Variants in KLHL13 observed in about 807,000 individuals in gnomAD.
KLHL13 encodes kelch-like protein 13.
Under a neutral mutation model 37.1 loss-of-function variants are expected in KLHL13, and 10 were observed. The ratio of observed to expected loss-of-function variants is 0.27; its 90% CI spans 0.17 to 0.46. The LOEUF (loss-of-function observed/expected upper bound fraction) is 0.46, where lower values mean the gene tolerates loss of function less well. Ranked by LOEUF, KLHL13 falls within the 20% of genes least tolerant of loss-of-function variation. The probability of loss-of-function intolerance (pLI) is 1.00; values close to 1 mark genes in which losing one functional copy is unlikely to be tolerated. For synonymous variants in KLHL13, 163 were observed against 181.2 expected (o/e 0.90, Z 0.81); for missense variants, 360 against 509.3 (o/e 0.71, Z 2.82).
rs1164328704 is a variant in KLHL13, at chrX:117,899,319, C to T, written c.1557G>A (p.Ala519=). 26 of 1,209,150 alleles carry T rather than the reference C, an allele frequency of 2.2e-5. No individual in the cohort carries two copies. The highest frequency in any genetic ancestry group is 3.5e-5 in the African/African-American group (2 of 57,145). Residue 519 remains alanine, a synonymous_variant, in exon 7 of 7, where the codon GCG becomes GCA. Coordinates refer to ENST00000262820, the Ensembl canonical transcript of KLHL13. ...GCAGACCTCTGACAGTGGTCATTGGCGCCTTCTGGATCCATTTGTCAGTAT... is the reference window on the plus strand; with the variant it reads ...GCAGACCTCTGACAGTGGTCATTGGTGCCTTCTGGATCCATTTGTCAGTAT...
rs1197736282 is a variant in KLHL13, at chrX:118,064,904, C to T, written c.-56+51604G>A. On this transcript the variant is annotated intron_variant, in intron 1 of 6. Transcript: ENST00000371882. ...TGTTAACTGACTGACTAGGCAGAAACACAATAAATGTTGGGTCTCATATCT... is the reference window on the plus strand; with the variant it reads ...TGTTAACTGACTGACTAGGCAGAAATACAATAAATGTTGGGTCTCATATCT... Among the ~76,000 whole-genome samples the T allele has an allele frequency of 4.5e-5, 5 of 111,600 alleles. 1 individual carries two copies. The highest frequency in any genetic ancestry group is 6.5e-5 in the African/African-American group (2 of 30,723).
chrX:117,964,367 A>G, intron 1 of KLHL13, among the ~76,000 whole-genome samples: 1 of 112,111 alleles, frequency 8.9e-6, no homozygotes, highest in East Asian at 2.8e-4. Context: ...GAATTTATTT[A>G]ACCTGTTTGT....
At chrX:117,965,833 G>A (rs752934803) in intron 1 of KLHL13, among the ~76,000 whole-genome samples, 2 of 111,516 alleles carry the variant, frequency 1.8e-5, no homozygotes, top group East Asian at 5.6e-4. Context: ...ATGCAGAAAA[G>A]GCCTTTGACA....
chrX:118,029,607 CTT>C (rs1476498485), intron 1 of KLHL13, among the ~76,000 whole-genome samples: 1 of 112,108 alleles, frequency 8.9e-6, no homozygotes, highest in Non-Finnish European at 1.9e-5. Context: ...TTAAATATCT[CTT>C]GTTAATAAAA....
intron 1 of KLHL13, among the ~76,000 whole-genome samples, chrX:117,999,503 T>C (rs944451215): frequency 9.3e-6 from 1 of 107,963 alleles, no homozygotes; most frequent in East Asian, 2.9e-4. Flanking sequence ...TGAGAACACA[T>C]GGACACAGGA....
chrX:117,994,018 G>A (rs1318903090), intron 1 of KLHL13, among the ~76,000 whole-genome samples: 1 of 111,168 alleles, frequency 9.0e-6, no homozygotes, highest in Non-Finnish European at 1.9e-5. Context: ...TTACAGGCGT[G>A]AGCCACCACG....
intron 1 of KLHL13, among the ~76,000 whole-genome samples, chrX:118,082,478 T>C (rs916092442): frequency 7.2e-5 from 8 of 111,712 alleles, no homozygotes; most frequent in Non-Finnish European, 1.3e-4. Flanking sequence ...GCTATTGAGT[T>C]GAGTTCCTTA....
At chrX:118,020,976 C>G (rs1178904224) in intron 1 of KLHL13, among the ~76,000 whole-genome samples, 5 of 67,186 alleles carry the variant, frequency 7.4e-5, no homozygotes, top group African/African-American at 3.1e-4. Context: ...GAACATCACA[C>G]TCTGGGGACT....
intron 1 of KLHL13, among the ~76,000 whole-genome samples, chrX:117,952,904 A>C (rs1291808627): frequency 3.7e-5 from 4 of 109,255 alleles, no homozygotes; most frequent in East Asian, 2.9e-4. Context: ...GTCAGGAAAC[A>C]ACAGGTGCTG....
rs762666475 is a variant in KLHL13 at position 118,051,648 on chromosome X, T to TAC, written c.-56+64858_-56+64859dup. ...GGAAACACACACACTCACGCGCACA[T>TAC]ACACACACACACACACCATATCCAG... is the stretch of plus-strand genomic sequence containing the variant. On this transcript the variant is annotated intron_variant, in intron 1 of 6. Coordinates refer to the KLHL13 transcript ENST00000371882. Among the ~76,000 whole-genome samples the TAC allele has an allele frequency of 4.3e-3, 465 of 109,250 alleles. 2 individuals are homozygous for TAC. Among genetic ancestry groups the TAC allele is most frequent in the Middle Eastern group, 0.037 (8 of 214 alleles). 94.9% of individuals were successfully genotyped at this position (109,250 alleles called of 115,157 possible). A position where few individuals can be genotyped will look rare whatever the true frequency, so the allele number is the denominator to read the frequency against.
chrX:118,010,506 C>T (rs868863542), intron 1 of KLHL13, among the ~76,000 whole-genome samples: 10 of 73,254 alleles, frequency 1.4e-4, no homozygotes, highest in Non-Finnish European at 1.8e-4. Context: ...AACCAAACAC[C>T]GCATATTCTC....
chrX:117,977,920 C>A (rs918589417), upstream of KLHL13, among the ~76,000 whole-genome samples: 1 of 112,118 alleles, frequency 8.9e-6, no homozygotes, highest in Non-Finnish European at 1.9e-5. Context: ...GTGTGTATCT[C>A]TTAAACACAT....
chrX:118,044,860 A>G (rs748288121), intron 1 of KLHL13, among the ~76,000 whole-genome samples: 13 of 112,381 alleles, frequency 1.2e-4, no homozygotes, highest in African/African-American at 4.2e-4. Flanking sequence ...TGATAAGCAC[A>G]GACAACCAAA....
intron 1 of KLHL13, among the ~76,000 whole-genome samples, chrX:117,958,190 T>G (rs1204556524): frequency 9.0e-6 from 1 of 111,646 alleles, no homozygotes; most frequent in East Asian, 2.8e-4. Context: ...CCAGTGGATG[T>G]TTGAAACTAT....
chrX:118,107,616 T>G (rs760307705), intron 1 of KLHL13, among the ~76,000 whole-genome samples: 1 of 112,090 alleles, frequency 8.9e-6, no homozygotes, highest in South Asian at 3.7e-4. Context: ...ATCCTTAAAC[T>G]AGATGAGATA....
At chrX:117,903,172 AG>A (rs1179667173) in intron 5 of KLHL13, among the ~76,000 whole-genome samples, 2,810 of 95,363 alleles carry the variant, frequency 0.029, 65 homozygotes, top group Middle Eastern at 0.073. Context: ...AGAGAGAGAG[AG>A]GAGAGCGAGA....
intron 1 of KLHL13, among the ~76,000 whole-genome samples, chrX:117,981,260 A>G (rs1466093680): frequency 8.9e-6 from 1 of 112,331 alleles, no homozygotes; most frequent in African/African-American, 3.2e-5. Context: ...TTGTTTTGGC[A>G]TTAGGTTTAG....
At chrX:117,908,501 T>A (rs1204641863) in intron 5 of KLHL13, among the ~76,000 whole-genome samples, 1 of 110,762 alleles carries the variant, frequency 9.0e-6, no homozygotes. Context: ...ACAATAATGG[T>A]AATGACAAAT....
intron 2 of KLHL13, among the ~76,000 whole-genome samples, chrX:117,940,662 G>C (rs183984078): frequency 0.084 from 9,285 of 110,655 alleles, 344 homozygotes; most frequent in Middle Eastern, 0.14. Context: ...CCTTCACATC[G>C]CTTGTAAGTT....
Sources: gnomAD v4.1 joint callset for allele counts (sites outside exome capture counted in the v4.1 genomes callset) on GRCh38, gnomAD v4.1.1 for gene constraint, MANE v1.5 for transcripts, NCBI Gene and HGNC (gene_info 2026-07-23, HGNC 2026-07-21) for gene names.